The following PRKAR1A variants were observed in gnomAD, a reference collection of about 807,000 sequenced individuals.
PRKAR1A encodes cAMP-dependent protein kinase type I-alpha regulatory subunit.
A neutral mutation model predicts 52.0 loss-of-function variants in PRKAR1A; 3 were observed. That is an observed-to-expected ratio of 0.06 (90% CI 0.03 to 0.15). PRKAR1A has a LOEUF of 0.15. Ranked by LOEUF, PRKAR1A falls within the 10% of genes least tolerant of loss-of-function variation. PRKAR1A has a pLI of 1.00. For synonymous variants in PRKAR1A, 188 were observed against 168.4 expected (o/e 1.12, Z -0.90); for missense variants, 240 against 477.4 (o/e 0.50, Z 4.63).
At chr17:68,425,010 AG>A in the PRKAR1A span, among the ~76,000 whole-genome samples, 1 of 152,248 alleles carries the variant, frequency 6.6e-6, no homozygotes, top group Non-Finnish European at 1.5e-5. Context: ...TCAGCAGTTA[AG>A]GAAGCCCCAG....
At chr17:68,497,866 A>G in the PRKAR1A span, among the ~76,000 whole-genome samples, 5 of 152,218 alleles carry the variant, frequency 3.3e-5, no homozygotes, top group African/African-American at 9.7e-5. Context: ...CATGTGAGAG[A>G]ATATAATGAG....
At chr17:68,426,243 G>GGT in the PRKAR1A span, 11 of 935,264 alleles carry the variant, frequency 1.2e-5, no homozygotes, top group Admixed American at 8.0e-5. Flanking sequence ...CCTGGCGGGT[G>GGT]GGGAGCGGGG....
At chr17:68,420,623 C>T in the PRKAR1A span, 1 of 827,248 alleles carries the variant, frequency 1.2e-6, no homozygotes, top group Non-Finnish European at 1.9e-6. Flanking sequence ...TGTCCCTCCT[C>T]CACGCCGACC....
At chr17:68,438,580 C>T in the PRKAR1A span, among the ~76,000 whole-genome samples, 2 of 152,170 alleles carry the variant, frequency 1.3e-5, no homozygotes, top group Non-Finnish European at 2.9e-5. Context: ...TGTGTAACTG[C>T]TGAAGGTTTC....
chr17:68,541,906 C>A, intron 11 of PRKAR1A: 1 of 1,507,750 alleles, frequency 6.6e-7, no homozygotes. Context: ...ATTCAAAAGC[C>A]AAGCTAGCAA....
the PRKAR1A span, among the ~76,000 whole-genome samples, chr17:68,435,234 C>T: frequency 0.011 from 1,621 of 151,580 alleles, 32 homozygotes; most frequent in African/African-American, 0.037. Context: ...TCAATTGGAT[C>T]ACTTTCTCTG....
At chr17:68,523,000 A>G (rs895267412) in intron 3 of PRKAR1A, 74 bp downstream of exon 3, 8 of 1,550,370 alleles carry the variant, frequency 5.2e-6, no homozygotes, top group African/African-American at 4.1e-5. Context: ...CCTTTGATGA[A>G]TGAATCATAA....
the PRKAR1A span, among the ~76,000 whole-genome samples, chr17:68,468,549 T>A: frequency 6.6e-6 from 1 of 152,150 alleles, no homozygotes; most frequent in African/African-American, 2.4e-5. Flanking sequence ...TAAATGGAAA[T>A]GTGAACTGGC....
intron 8 of PRKAR1A, among the ~76,000 whole-genome samples, chr17:68,528,292 A>G (rs2085853753): frequency 6.6e-6 from 1 of 152,190 alleles, no homozygotes; most frequent in Non-Finnish European, 1.5e-5. Context: ...GTTCTTCATG[A>G]AAGGGGAATG....
At chr17:68,514,513 A>T (rs1170279026) in intron 1 of PRKAR1A, among the ~76,000 whole-genome samples, 2 of 152,212 alleles carry the variant, frequency 1.3e-5, no homozygotes, top group African/African-American at 4.8e-5. Context: ...TTTACTTTAC[A>T]TAAAGGTACC....
intron 11 of PRKAR1A, chr17:68,541,081 G>A: frequency 6.8e-7 from 1 of 1,463,862 alleles, no homozygotes; most frequent in Non-Finnish European, 9.2e-7. Flanking sequence ...GCTGGTGGCA[G>A]CTTCTAAAAT....
At chr17:68,514,466 A>G (rs1010492049) in intron 1 of PRKAR1A, among the ~76,000 whole-genome samples, 6 of 152,214 alleles carry the variant, frequency 3.9e-5, no homozygotes, top group African/African-American at 1.4e-4. Context: ...TTTTAATTCT[A>G]GGGTAAGGTT....
intron 11 of PRKAR1A, among the ~76,000 whole-genome samples, chr17:68,546,448 T>C (rs2086570787): frequency 1.3e-5 from 2 of 152,032 alleles, no homozygotes; most frequent in African/African-American, 4.8e-5. Context: ...GGAGACTCCT[T>C]TCCAGAAAGT....
chr17:68,487,573 G>T, the PRKAR1A span, among the ~76,000 whole-genome samples: 3 of 152,240 alleles, frequency 2.0e-5, no homozygotes, highest in South Asian at 6.2e-4. Context: ...GGCCAAGGCG[G>T]GTGGATTGCT....
At chr17:68,546,829 CA>C (rs35112614) in intron 11 of PRKAR1A, among the ~76,000 whole-genome samples, 29,846 of 83,950 alleles carry the variant, frequency 0.36, 2,774 homozygotes, top group East Asian at 0.55. Flanking sequence ...GACTACGGCT[CA>C]AAAAAAAAAA....
intron 11 of PRKAR1A, among the ~76,000 whole-genome samples, chr17:68,546,119 A>C (rs1171321348): frequency 7.1e-6 from 1 of 140,944 alleles, no homozygotes; most frequent in Non-Finnish European, 1.5e-5. Context: ...CAGTGAGCCG[A>C]GATTGTGCCA....
In PRKAR1A at chr17:68,532,020, C is replaced by A; in HGVS notation, c.*1571C>A. 1.9e-6 allele frequency: 2 copies of A among 1,065,162 alleles called. No individual in the cohort carries two copies. The highest frequency in any genetic ancestry group is 2.3e-6 in the Non-Finnish European group (2 of 878,926). 66.0% of individuals were successfully genotyped at this position (1,065,162 alleles called of 1,614,324 possible). ...TAAATTGGTCATGGTAGATTTTTTT[C>A]ATAGATTTGAAAAACTTTTAGGTTG... On this transcript the variant is annotated 3_prime_UTR_variant, in exon 11 of 11. Transcript: ENST00000589228.
upstream of PRKAR1A, among the ~76,000 whole-genome samples, chr17:68,508,967 A>G (rs1280462648): frequency 1.3e-5 from 2 of 152,170 alleles, no homozygotes; most frequent in Admixed American, 1.3e-4. Flanking sequence ...ATTGTACACC[A>G]TAAGTAGGTG....
upstream of PRKAR1A, among the ~76,000 whole-genome samples, chr17:68,510,181 G>A (rs947974433): frequency 8.6e-5 from 13 of 151,636 alleles, no homozygotes; most frequent in Non-Finnish European, 1.5e-4. Context: ...GAGAGAGAGA[G>A]AGAGAGAGAG....
Sources: gnomAD v4.1 joint callset for allele counts (sites outside exome capture counted in the v4.1 genomes callset) on GRCh38, gnomAD v4.1.1 for gene constraint, MANE v1.5 for transcripts, NCBI Gene and HGNC (gene_info 2026-07-23, HGNC 2026-07-21) for gene names.